The following C1D variants were observed in gnomAD, a reference collection of about 807,000 sequenced individuals.
C1D encodes nuclear nucleic acid-binding protein C1D.
A neutral mutation model predicts 17.5 loss-of-function variants in C1D; 10 were observed. That is an observed-to-expected ratio of 0.57 (90% CI 0.35 to 0.97). The LOEUF (loss-of-function observed/expected upper bound fraction) is 0.97. Ranked by LOEUF, C1D falls within the 50% of genes least tolerant of loss-of-function variation. The pLI is 0.01. For missense variants in C1D, 136 were observed against 160.1 expected (o/e 0.85, Z 0.81); for synonymous variants, 49 against 54.0 (o/e 0.91, Z 0.40).
chr2:68,059,537 T>C (rs1468836987), intron 1 of C1D, among the ~76,000 whole-genome samples: 1 of 152,192 alleles, frequency 6.6e-6, no homozygotes, highest in African/African-American at 2.4e-5. Flanking sequence ...GTAATACAGT[T>C]ATCACACTGG....
intron 1 of C1D, among the ~76,000 whole-genome samples, chr2:68,057,487 T>A (rs987957029): frequency 1.3e-5 from 2 of 152,170 alleles, no homozygotes; most frequent in African/African-American, 4.8e-5. Flanking sequence ...AAAAAAGATA[T>A]ATGAATGTGG....
At chr2:68,044,491 G>A (rs548726050) in intron 4 of C1D, among the ~76,000 whole-genome samples, 1 of 152,306 alleles carries the variant, frequency 6.6e-6, no homozygotes, top group South Asian at 2.1e-4. Flanking sequence ...GGCAGATCAC[G>A]AGGTCAGGAG....
intron 4 of C1D, among the ~76,000 whole-genome samples, chr2:68,043,620 T>C (rs959056835): frequency 6.6e-6 from 1 of 152,204 alleles, no homozygotes; most frequent in Non-Finnish European, 1.5e-5. Context: ...TATACAGTTC[T>C]AATCAGACTT....
At position 68,042,229 on chromosome 2, in the gene C1D, G is replaced by T. The variant is rs999652027; in HGVS notation, c.*660C>A. 1.3e-5 allele frequency: 2 copies of T among 152,476 alleles called. No homozygotes were observed. The highest frequency in any genetic ancestry group is 4.8e-5 in the African/African-American group (2 of 41,442). 9.4% of individuals were successfully genotyped at this position (152,476 alleles called of 1,614,324 possible). On this transcript the variant is annotated 3_prime_UTR_variant, in exon 5 of 5. Coordinates refer to ENST00000410067, the MANE Select transcript of C1D (RefSeq NM_173177.3). ...TTATACAACATTTTCAGCCTTTATT[G>T]AGAGTACAGTCATCATGCCAAAATT...
chr2:68,043,497 G>A (rs1050043472), intron 4 of C1D, among the ~76,000 whole-genome samples: 1 of 152,050 alleles, frequency 6.6e-6, no homozygotes, highest in African/African-American at 2.4e-5. Flanking sequence ...AATACATGAG[G>A]TAGTACTTAA....
intron 1 of C1D, among the ~76,000 whole-genome samples, chr2:68,054,302 T>C (rs771268321): frequency 2.0e-5 from 3 of 152,186 alleles, no homozygotes; most frequent in South Asian, 4.1e-4. Flanking sequence ...AGTTACCCTT[T>C]GCACCAGTCA....
intron 1 of C1D, among the ~76,000 whole-genome samples, chr2:68,049,134 T>C (rs1431764853): frequency 6.7e-6 from 1 of 150,360 alleles, no homozygotes; most frequent in Admixed American, 6.6e-5. Context: ...GAGGTGGAGG[T>C]TGCAGTGAGC....
intron 4 of C1D, among the ~76,000 whole-genome samples, chr2:68,044,024 TC>T (rs1671046571): frequency 6.6e-6 from 1 of 152,192 alleles, no homozygotes; most frequent in Admixed American, 6.5e-5. Flanking sequence ...TACGGCCACT[TC>T]CTCTCTTCCT....
rs748335610 is a variant in C1D, at chr2:68,046,058, T to C, written c.206-15A>G. 5.8e-6 allele frequency: 9 copies of C among 1,542,428 alleles called. No individual in the cohort carries two copies. The highest frequency in any genetic ancestry group is 5.6e-5 in the Admixed American group (3 of 53,564). ...TGCCAAATAAACTACAAGAGAAAAA[T>C]TTCATGGAATAAAATGGTGAATGTA... On this transcript the variant is annotated splice_polypyrimidine_tract_variant and intron_variant, in intron 3 of 4. Transcript: ENST00000410067.
chr2:68,053,333 A>G lies in C1D; in HGVS notation c.-9-6014T>C, dbSNP rs371030832. The stretch of plus-strand genomic sequence containing the variant: ...TACCGATAGGAGAAAACAAGAGTGC[A>G]TAGCATCACATACAGAACTGAAGTC... On this transcript the variant is annotated intron_variant, in intron 1 of 4. Coordinates refer to ENST00000410067, the MANE Select transcript of C1D (RefSeq NM_173177.3). 27 of 942,452 alleles carry G rather than the reference A, an allele frequency of 2.9e-5. 1 individual carries two copies. In the African/African-American group the frequency reaches 3.8e-4, roughly 13 times the overall value. The allele number at this position is 942,452 out of a possible 1,614,324, so 58.4% of individuals were successfully genotyped here.
chr2:68,044,127 CCTA>C (rs1378745823), intron 4 of C1D, among the ~76,000 whole-genome samples: 1 of 152,162 alleles, frequency 6.6e-6, no homozygotes, highest in East Asian at 1.9e-4. Flanking sequence ...TCCCCCTTAC[CCTA>C]CTCTTTTTCT....
rs746254807 is a variant in C1D, at chr2:68,047,316, C to A, written c.-6G>T. On this transcript the variant is annotated 5_prime_UTR_variant, in exon 2 of 5. Transcript: ENST00000410067. ...TTAATTTCTTCACCTGCCATTATGG[C>A]TGACTGGAAAAAATTAAATTCTTTG... 4 of 1,595,448 alleles carry A rather than the reference C, an allele frequency of 2.5e-6. No individual in the cohort carries two copies. The Admixed American group carries it at 7.2e-5, about 29-fold the overall frequency.
intron 1 of C1D, among the ~76,000 whole-genome samples, chr2:68,057,896 T>C (rs910412547): frequency 6.6e-6 from 1 of 152,244 alleles, no homozygotes; most frequent in Non-Finnish European, 1.5e-5. Context: ...AAGCCTCCTC[T>C]GGCCTGCTTG....
At chr2:68,053,603 G>C (rs1435014249) in intron 1 of C1D, among the ~76,000 whole-genome samples, 1 of 152,192 alleles carries the variant, frequency 6.6e-6, no homozygotes. Context: ...GTCTGGTCAT[G>C]GTACTCCTCT....
At chr2:68,045,791 G>T (rs182101881) in intron 4 of C1D, among the ~76,000 whole-genome samples, 197 bp downstream of exon 4, 3 of 151,392 alleles carry the variant, frequency 2.0e-5, no homozygotes, top group African/African-American at 7.3e-5. Flanking sequence ...TTCCCATTCC[G>T]AGATTTATAT....
At chr2:68,062,098 T>G (rs1406308757) in intron 1 of C1D, among the ~76,000 whole-genome samples, 5 of 152,228 alleles carry the variant, frequency 3.3e-5, no homozygotes, top group Admixed American at 3.3e-4. Flanking sequence ...CCTGAAGGGA[T>G]GGATACCCCA....
chr2:68,059,189 T>C (rs535863937), intron 1 of C1D, among the ~76,000 whole-genome samples: 6 of 152,284 alleles, frequency 3.9e-5, no homozygotes, highest in Non-Finnish European at 7.4e-5. Flanking sequence ...CCATGTTCTT[T>C]TAAACAACCG....
intron 1 of C1D, among the ~76,000 whole-genome samples, chr2:68,048,218 GTATC>G (rs1671187939): frequency 6.6e-6 from 1 of 152,142 alleles, no homozygotes; most frequent in Non-Finnish European, 1.5e-5. Flanking sequence ...TATTATTAAA[GTATC>G]TAAGTCCAAA....
chr2:68,055,010 T>A (rs1193089587), intron 1 of C1D, among the ~76,000 whole-genome samples: 2 of 150,362 alleles, frequency 1.3e-5, no homozygotes, highest in African/African-American at 2.5e-5. Context: ...TGCACTAAGA[T>A]GCATTCCTAG....
Sources: gnomAD v4.1 joint callset for allele counts (sites outside exome capture counted in the v4.1 genomes callset) on GRCh38, gnomAD v4.1.1 for gene constraint, MANE v1.5 for transcripts, NCBI Gene and HGNC (gene_info 2026-07-23, HGNC 2026-07-21) for gene names.